SV2B: variants seen among roughly 807,000 people sequenced by gnomAD.
The protein encoded by SV2B is solute carrier family 22 member B2.
A neutral mutation model predicts 73.9 loss-of-function variants in SV2B; 41 were observed. That is an observed-to-expected ratio of 0.56 (90% CI 0.43 to 0.72). SV2B has a LOEUF of 0.72. SV2B is among the 30% of genes least tolerant of loss of function. The pLI is 0.00. For missense variants in SV2B, 764 were observed against 857.8 expected (o/e 0.89, Z 1.37); for synonymous variants, 314 against 314.2 (o/e 1.00, Z 0.01).
At chr15:91,260,993 T>G in intron 6 of SV2B, among the ~76,000 whole-genome samples, 1 of 152,202 alleles carries the variant, frequency 6.6e-6, no homozygotes, top group East Asian at 1.9e-4. Flanking sequence ...ATGAGATTTG[T>G]GTGGGAACGC....
chr15:91,111,772 C>A (rs2042042190), intron 1 of SV2B, among the ~76,000 whole-genome samples: 1 of 152,056 alleles, frequency 6.6e-6, no homozygotes, highest in South Asian at 2.1e-4. Flanking sequence ...ACACAGGAAG[C>A]ATGGTGGCAT....
At chr15:91,216,173 C>T (rs557613220) in intron 1 of SV2B, among the ~76,000 whole-genome samples, 31 of 152,286 alleles carry the variant, frequency 2.0e-4, no homozygotes, top group African/African-American at 6.7e-4. Context: ...TCTCCCATGC[C>T]AGCCAAATAA....
At position 91,118,657 on chromosome 15, in the gene SV2B, G is replaced by A. The variant is rs745945950; in HGVS notation, c.-392+18294G>A. Among the ~76,000 whole-genome samples, 1 of 152,144 alleles carries A rather than the reference G, an allele frequency of 6.6e-6. No homozygotes were observed. Among genetic ancestry groups the A allele is most frequent in the Non-Finnish European group, 1.5e-5 (1 of 68,030 alleles). ...TGAGAGGCTCCCTACTGCCCAAGAG[G>A]GCCGAGGTGAGGCTGAACACTGTCT... On this transcript the variant is annotated intron_variant, in intron 1 of 12. Transcript: ENST00000394232. The surrounding 1 kb of genome is among the most constrained non-coding windows in gnomAD (Gnocchi z 4.7).
rs2047898387 is a variant in SV2B, at chr15:91,261,155, C to CGAGG, written c.1008+746_1008+747insGAGG. Among the ~76,000 whole-genome samples, 1 of 152,000 alleles carries CGAGG rather than the reference C, an allele frequency of 6.6e-6. No homozygotes were observed. Among genetic ancestry groups the CGAGG allele is most frequent in the Non-Finnish European group, 1.5e-5 (1 of 68,006 alleles). On this transcript the variant is annotated intron_variant, in intron 6 of 12. Transcript: ENST00000394232. The surrounding 1 kb of genome is among the most constrained non-coding windows in gnomAD (Gnocchi z 4.7). ...GCGGGTACCTAAAATCCCAGCTACTCAGGAGGCTGAGGCAGGAGAATTGCT... is the reference window on the plus strand; with the variant it reads ...GCGGGTACCTAAAATCCCAGCTACTCGAGGAGGAGGCTGAGGCAGGAGAATTGCT...
intron 1 of SV2B, among the ~76,000 whole-genome samples, chr15:91,133,802 GA>G (rs112814853): frequency 0.016 from 2,369 of 152,198 alleles, 78 homozygotes; most frequent in African/African-American, 0.054. Context: ...GGGTGTCAGT[GA>G]GCCTTCCAGG....
rs958782254 is a variant in SV2B, at chr15:91,283,705, C to T, written c.1508-316C>T. On this transcript the variant is annotated intron_variant, in intron 10 of 12. Coordinates refer to ENST00000394232, the MANE Select transcript of SV2B (RefSeq NM_001323032.3). This position sits in a 1 kb window ranked among gnomAD's most constrained non-coding sequence, Gnocchi z 4.3. ...CTGAGCTCAAGTGATCCTCCTACCTCGGCCTCCTCAAGTGCTGGGATTACA... is the reference window on the plus strand; with the variant it reads ...CTGAGCTCAAGTGATCCTCCTACCTTGGCCTCCTCAAGTGCTGGGATTACA... Among the ~76,000 whole-genome samples, 5 of 152,210 alleles carry T rather than the reference C, an allele frequency of 3.3e-5. No individual in the cohort carries two copies. Among genetic ancestry groups the T allele is most frequent in the African/African-American group, 9.6e-5 (4 of 41,452 alleles).
At chr15:91,103,398 T>A (rs1448927599) in intron 1 of SV2B, among the ~76,000 whole-genome samples, 6 of 152,206 alleles carry the variant, frequency 3.9e-5, no homozygotes, top group Admixed American at 2.6e-4. Context: ...CAGCAGTCCT[T>A]GCTAGATATT....
At chr15:91,260,561 A>C in intron 6 of SV2B, 152 bp downstream of exon 6, 1 of 594,910 alleles carries the variant, frequency 1.7e-6, no homozygotes, top group Non-Finnish European at 2.8e-6. Context: ...TATTCTTCAC[A>C]TTTTGATGGA....
intron 1 of SV2B, among the ~76,000 whole-genome samples, chr15:91,196,523 G>A (rs921040701): frequency 2.6e-5 from 4 of 152,162 alleles, no homozygotes; most frequent in Non-Finnish European, 4.4e-5. Context: ...CTGGGAGGCC[G>A]GTTGTGGGAT....
At position 91,242,624 on chromosome 15, in the gene SV2B, T is replaced by G. The variant is rs1322593456; in HGVS notation, c.452-9195T>G. On this transcript the variant is annotated intron_variant, in intron 2 of 12. Coordinates refer to ENST00000394232, the MANE Select transcript of SV2B (RefSeq NM_001323032.3). This position sits in a 1 kb window ranked among gnomAD's most constrained non-coding sequence, Gnocchi z 4.9. ...ATAGAGGAAAGAGCAGTGTGAAGACTCTGAGGTGGGAGAGAGCATAGGACA... is the reference window on the plus strand; with the variant it reads ...ATAGAGGAAAGAGCAGTGTGAAGACGCTGAGGTGGGAGAGAGCATAGGACA... Among the ~76,000 whole-genome samples the G allele has an allele frequency of 6.6e-6, 1 of 152,070 alleles. No homozygotes were observed. The highest frequency in any genetic ancestry group is 6.5e-5 in the Admixed American group (1 of 15,270).
chr15:91,226,105 AGG>A lies in SV2B; in HGVS notation c.-151_-150del. Reference sequence around the variant, plus strand: ...CAAATCTGGTTGATTTGAGAGATAAAGGGGGGGGGAACCAGTGTGACTTTCAC... The same window carrying A: ...CAAATCTGGTTGATTTGAGAGATAAAGGGGGGGAACCAGTGTGACTTTCAC... On this transcript the variant is annotated 5_prime_UTR_variant, in exon 2 of 13. Transcript: ENST00000394232. 2 of 662,166 alleles carry A rather than the reference AGG, an allele frequency of 3.0e-6. No homozygotes were observed. Among genetic ancestry groups the A allele is most frequent in the Non-Finnish European group, 5.0e-6 (2 of 401,274 alleles). The allele number at this position is 662,166 out of a possible 1,614,324, so 41.0% of individuals were successfully genotyped here. A position where few individuals can be genotyped will look rare whatever the true frequency, so the allele number is the denominator to read the frequency against.
At chr15:91,135,067 A>C (rs6496762) in intron 1 of SV2B, among the ~76,000 whole-genome samples, 109,759 of 150,238 alleles carry the variant, frequency 0.73, 40,866 homozygotes, top group East Asian at 0.93. Flanking sequence ...TACTGTGATC[A>C]TTGCTCACTG....
intron 1 of SV2B, among the ~76,000 whole-genome samples, chr15:91,174,155 C>A (rs2044221460): frequency 6.6e-6 from 1 of 152,208 alleles, no homozygotes; most frequent in Non-Finnish European, 1.5e-5. Context: ...TTTAGCAACT[C>A]CAATTCTGAA....
At chr15:91,146,920 A>G (rs918138814) in intron 1 of SV2B, among the ~76,000 whole-genome samples, 1 of 152,218 alleles carries the variant, frequency 6.6e-6, no homozygotes, top group African/African-American at 2.4e-5. Context: ...TCATTCATAA[A>G]TGGTGCACAG....
chr15:91,200,188 G>A (rs2045410557), intron 1 of SV2B, among the ~76,000 whole-genome samples: 1 of 152,172 alleles, frequency 6.6e-6, no homozygotes, highest in African/African-American at 2.4e-5. Flanking sequence ...GGAATCTGAT[G>A]CTTTAATTTT....
Position 91,257,077 on chromosome 15 carries a change from T to C in SV2B, c.785-1344T>C, listed in dbSNP as rs139175341. On this transcript the variant is annotated intron_variant, in intron 4 of 12. Transcript: ENST00000394232. The stretch of plus-strand genomic sequence containing the variant: ...ATTTGAATTGTCTTCAGAAATACTT[T>C]ATGGCATGAGAAAACCAGTCTATTT... Among the ~76,000 whole-genome samples the C allele has an allele frequency of 3.4e-4, 52 of 152,360 alleles. No individual in the cohort carries two copies. The East Asian group carries it at 9.6e-3, about 28-fold the overall frequency.
chr15:91,108,858 C>A (rs915694741), intron 1 of SV2B, among the ~76,000 whole-genome samples: 3 of 152,218 alleles, frequency 2.0e-5, no homozygotes, highest in Non-Finnish European at 4.4e-5. Flanking sequence ...AGACCCACAC[C>A]TGGGTTCCCT....
At chr15:91,243,261 C>T (rs1043125162) in intron 2 of SV2B, among the ~76,000 whole-genome samples, 2 of 152,110 alleles carry the variant, frequency 1.3e-5, no homozygotes, top group African/African-American at 4.8e-5. Context: ...GGTGTCATAC[C>T]TCCACTGGCC....
chr15:91,266,799 G>A (rs562261311), intron 7 of SV2B, 107 bp downstream of exon 7: 242 of 886,236 alleles, frequency 2.7e-4, no homozygotes, highest in Non-Finnish European at 1.2e-4. Context: ...CTGGGCCAGC[G>A]TGATGGAGAG....
Sources: gnomAD v4.1 joint callset for allele counts (sites outside exome capture counted in the v4.1 genomes callset) on GRCh38, gnomAD v4.1.1 for gene constraint, Gnocchi (gnomAD v3.1) non-coding constraint, MANE v1.5 for transcripts, NCBI Gene and HGNC (gene_info 2026-07-23, HGNC 2026-07-21) for gene names.